SSBP3: variants seen among roughly 807,000 people sequenced by gnomAD.
SSBP3 encodes single stranded DNA binding protein 3, also known as single-stranded DNA-binding protein 3.
A neutral mutation model predicts 69.6 loss-of-function variants in SSBP3; 5 were observed. The ratio of observed to expected loss-of-function variants is 0.07; its 90% confidence interval spans 0.04 to 0.15. The LOEUF is 0.15. Ranked by LOEUF, SSBP3 falls within the 10% of genes least tolerant of loss-of-function variation. SSBP3 has a pLI of 1.00. For missense variants in SSBP3, 312 were observed against 534.0 expected, an observed-to-expected ratio of 0.58 and a Z score of 4.10; for synonymous variants, 196 against 193.4, an observed-to-expected ratio of 1.01 and a Z score of -0.11.
intron 4 of SSBP3, among the ~76,000 whole-genome samples, chr1:54,348,878 C>T (rs1646734529): frequency 1.3e-5 from 2 of 152,186 alleles, no homozygotes; most frequent in South Asian, 2.1e-4. Flanking sequence ...CTGGCACTCA[C>T]CTACACTCAA....
intron 14 of SSBP3, chr1:54,238,891 G>A (rs796112394): frequency 2.5e-6 from 1 of 400,684 alleles, no homozygotes; most frequent in Non-Finnish European, 4.9e-6. Flanking sequence ...CAGCACAGCG[G>A]GCACCCTGGC....
intron 4 of SSBP3, among the ~76,000 whole-genome samples, chr1:54,396,193 G>GAAAAAAAAAAAAAAAAAAAAAAAA (rs59276509): frequency 2.2e-4 from 9 of 40,580 alleles, no homozygotes; most frequent in Admixed American, 5.4e-4. Context: ...CTCCATCTCA[G>GAAAAAAAAAAAAAAAAAAAAAAAA]AAAAAAAAAA....
intron 7 of SSBP3, among the ~76,000 whole-genome samples, chr1:54,254,728 C>A (rs1644888873): frequency 6.6e-6 from 1 of 152,216 alleles, no homozygotes; most frequent in African/African-American, 2.4e-5. Flanking sequence ...TTCAAGAAAG[C>A]CCCAGGGTCA....
chr1:54,263,406 G>C (rs371574119), intron 5 of SSBP3, among the ~76,000 whole-genome samples: 2 of 152,128 alleles, frequency 1.3e-5, no homozygotes, highest in Admixed American at 1.3e-4. Flanking sequence ...CGGTTCATTC[G>C]GAGTCCAGTT....
Position 54,257,122 on chromosome 1 carries a change from A to G in SSBP3, c.507+5T>C, listed in dbSNP as rs1644936062. 1 of 1,601,894 alleles carries G rather than the reference A, an allele frequency of 6.2e-7. No individual in the cohort carries two copies. The highest frequency in any genetic ancestry group is 8.5e-7 in the Non-Finnish European group (1 of 1,175,658). Reference sequence around the variant, plus strand: ...GGGGAGAGAGAACATGAAAAGGTACAGTACCTGGTTTCCCATTCTGATCGG... The same window carrying G: ...GGGGAGAGAGAACATGAAAAGGTACGGTACCTGGTTTCCCATTCTGATCGG... On this transcript the variant is annotated splice_donor_5th_base_variant and intron_variant, in intron 7 of 17. Transcript: ENST00000610401.
At chr1:54,409,324 T>C (rs1196543083), upstream of SSBP3, among the ~76,000 whole-genome samples, 1 of 152,052 alleles carries the variant, frequency 6.6e-6, no homozygotes, top group Non-Finnish European at 1.5e-5. Flanking sequence ...CAATCTTATC[T>C]CGTTTTGCTG....
chr1:54,290,403 C>T (rs926031898), intron 4 of SSBP3, among the ~76,000 whole-genome samples: 4 of 152,230 alleles, frequency 2.6e-5, no homozygotes, highest in Non-Finnish European at 5.9e-5. Context: ...GGTAAAGGAC[C>T]ACGTGCTGAC....
At chr1:54,301,930 G>A (rs1233464356) in intron 4 of SSBP3, among the ~76,000 whole-genome samples, 1 of 152,216 alleles carries the variant, frequency 6.6e-6, no homozygotes, top group Non-Finnish European at 1.5e-5. Flanking sequence ...TGTGTGCAAA[G>A]GCAAGAGGAA....
intron 8 of SSBP3, 33 bp from the exon 9 acceptor site, chr1:54,251,725 C>A (rs755805634): frequency 1.3e-6 from 2 of 1,582,968 alleles, no homozygotes; most frequent in Non-Finnish European, 1.7e-6. Context: ...CATGGGATGG[C>A]AGGAGTGGAG....
At chr1:54,360,427 G>C (rs1008648867) in intron 4 of SSBP3, among the ~76,000 whole-genome samples, 1 of 152,156 alleles carries the variant, frequency 6.6e-6, no homozygotes, top group Admixed American at 6.5e-5. Flanking sequence ...GTCCAATCTT[G>C]GCAATCACTT....
exon 18 of SSBP3, chr1:54,226,812 AAAC>A (rs891226474): frequency 5.8e-5 from 17 of 293,230 alleles, no homozygotes; most frequent in African/African-American, 1.4e-4. Context: ...CCCAAACAAA[AAAC>A]AACAAAAAAG....
intron 5 of SSBP3, among the ~76,000 whole-genome samples, chr1:54,268,006 A>G (rs941253144): frequency 6.6e-6 from 1 of 152,236 alleles, no homozygotes; most frequent in African/African-American, 2.4e-5. Flanking sequence ...GGGTGGGACT[A>G]CAGGCATGGG....
intron 4 of SSBP3, among the ~76,000 whole-genome samples, chr1:54,341,883 A>G (rs1351911407): frequency 5.9e-5 from 9 of 152,110 alleles, no homozygotes; most frequent in Non-Finnish European, 7.4e-5. Flanking sequence ...AGCACCTTCC[A>G]CGCAGAAGGA....
intron 14 of SSBP3, among the ~76,000 whole-genome samples, chr1:54,234,880 C>T (rs1023940476): frequency 2.6e-5 from 4 of 152,170 alleles, no homozygotes; most frequent in African/African-American, 9.7e-5. Context: ...CCTCCCGCTT[C>T]AGCCTCCCGA....
Position 54,392,338 on chromosome 1 carries a change from C to T in SSBP3, c.276+9523G>A, listed in dbSNP as rs114105209. Among the ~76,000 whole-genome samples the T allele has an allele frequency of 7.7e-3, 1,179 of 152,310 alleles. 10 individuals are homozygous for T. The highest frequency in any genetic ancestry group is 0.015 in the Admixed American group (235 of 15,300). On this transcript the variant is annotated intron_variant, in intron 4 of 17. Transcript: ENST00000610401. ...ACCCAAGTCACTTAACTTGTAGGAACTAAGATTCAGTCTCAGCTGTCTCTG... is the reference window on the plus strand; with the variant it reads ...ACCCAAGTCACTTAACTTGTAGGAATTAAGATTCAGTCTCAGCTGTCTCTG...
intron 4 of SSBP3, among the ~76,000 whole-genome samples, chr1:54,333,644 T>C (rs942020769): frequency 1.3e-5 from 2 of 152,216 alleles, no homozygotes; most frequent in Admixed American, 6.5e-5. Context: ...GTATAAGCTG[T>C]ATCATCTTGG....
chr1:54,311,895 A>G (rs970881588), intron 4 of SSBP3, among the ~76,000 whole-genome samples: 1 of 152,202 alleles, frequency 6.6e-6, no homozygotes, highest in Non-Finnish European at 1.5e-5. Context: ...GACCATCTAC[A>G]GCAGCCAAGG....
intron 6 of SSBP3, among the ~76,000 whole-genome samples, chr1:54,257,744 A>T (rs1644947512): frequency 6.6e-6 from 1 of 152,204 alleles, no homozygotes; most frequent in African/African-American, 2.4e-5. Flanking sequence ...AAGGCTCGGG[A>T]TGCAGCTTCG....
chr1:54,403,393 C>T (rs1649443479), intron 3 of SSBP3, among the ~76,000 whole-genome samples: 1 of 152,140 alleles, frequency 6.6e-6, no homozygotes. Flanking sequence ...CCTAAGTAAC[C>T]TTCAATCATA....
Sources: gnomAD v4.1 joint callset for allele counts (sites outside exome capture counted in the v4.1 genomes callset) on GRCh38, gnomAD v4.1.1 for gene constraint, MANE v1.5 for transcripts, NCBI Gene and HGNC (gene_info 2026-07-23, HGNC 2026-07-21) for gene names.